MAF1: variants seen among roughly 807,000 people sequenced by gnomAD.
MAF1 encodes the protein MAF1 negative regulator of RNA polymerase III.
A neutral mutation model predicts 31.9 loss-of-function variants in MAF1; 7 were observed. The ratio of observed to expected loss-of-function variants is 0.22; its 90% CI spans 0.12 to 0.41. The LOEUF is 0.41. MAF1 is among the 10% of genes least tolerant of loss of function. MAF1 has a pLI of 1.00. For missense variants in MAF1, 221 were observed against 323.1 expected, an observed-to-expected ratio of 0.68 and a Z score of 2.42; for synonymous variants, 157 against 120.0, an observed-to-expected ratio of 1.31 and a Z score of -2.02.
In MAF1 at chr8:144,107,119, G is replaced by T; in HGVS notation, c.*10G>T. 2 of 1,563,380 alleles carry T rather than the reference G, an allele frequency of 1.3e-6. No individual in the cohort carries two copies. Among genetic ancestry groups the T allele is most frequent in the Non-Finnish European group, 1.7e-6 (2 of 1,154,006 alleles). Reference sequence around the variant, plus strand: ...AGTGATCTGTATTTGATGAGGAGGAGCCGAGGCCCCAGCTTCATCCAGCTT... The same window carrying T: ...AGTGATCTGTATTTGATGAGGAGGATCCGAGGCCCCAGCTTCATCCAGCTT... On this transcript the variant is annotated 3_prime_UTR_variant, in exon 8 of 8. Coordinates refer to ENST00000322428, the MANE Select transcript of MAF1 (RefSeq NM_032272.5).
rs1564316758 is a variant in MAF1 at position 144,104,481 on chromosome 8, GC to G, written c.-419del. 6.6e-6 allele frequency: 1 copy of G among 152,222 alleles called. No individual in the cohort carries two copies. Among genetic ancestry groups the G allele is most frequent in the Non-Finnish European group, 1.5e-5 (1 of 68,034 alleles). The allele number at this position is 152,222 out of a possible 1,614,324, so 9.4% of individuals were successfully genotyped here. A position where few individuals can be genotyped will look rare whatever the true frequency, so the allele number is the denominator to read the frequency against. The stretch of plus-strand genomic sequence containing the variant: ...GGGCCATTCAGAGGCGCGGGGCCGG[GC>G]CCGGCGGACGCTTGTTGTTGTCCGG... On this transcript the variant is annotated 5_prime_UTR_variant, in exon 1 of 8. Transcript: ENST00000322428.
rs1587619698 is a variant in MAF1 at position 144,106,682 on chromosome 8, C to T, written c.620+8C>T. On this transcript the variant is annotated splice_region_variant and intron_variant, in intron 6 of 7. Transcript: ENST00000322428. ...TAGCTGCCGTTCCATCAGGTGGGCA[C>T]CCCCCGCCTCCTCCCCCACCTCCCT... The T allele has an allele frequency of 3.1e-6, 5 of 1,609,482 alleles. No individual in the cohort carries two copies. In the East Asian group the frequency reaches 8.9e-5, roughly 29 times the overall value.
At chr8:144,106,501 C>T (rs1202460675) in intron 5 of MAF1, 37 bp downstream of exon 5, 3 of 1,613,914 alleles carry the variant, frequency 1.9e-6, no homozygotes, top group Non-Finnish European at 2.5e-6. Context: ...TCCAGGCCTC[C>T]AGGTTTGTGG....
Position 144,107,296 on chromosome 8 carries a change from A to T in MAF1, c.*187A>T. 1 of 724,866 alleles carries T rather than the reference A, an allele frequency of 1.4e-6. No individual in the cohort carries two copies. Among genetic ancestry groups the T allele is most frequent in the Non-Finnish European group, 2.3e-6 (1 of 431,864 alleles). 44.9% of individuals were successfully genotyped at this position (724,866 alleles called of 1,614,324 possible). A position where few individuals can be genotyped will look rare whatever the true frequency, so the allele number is the denominator to read the frequency against. On this transcript the variant is annotated 3_prime_UTR_variant, in exon 8 of 8. Transcript: ENST00000322428. ...CTGTGGATGCCCACTCACCCCTCAG[A>T]CTCCTGCTGCCCATGCTGTGGCCGG...
intron 1 of MAF1, 150 bp downstream of exon 1, chr8:144,105,008 C>G (rs1484569294): frequency 6.6e-6 from 1 of 152,272 alleles, no homozygotes; most frequent in Non-Finnish European, 1.5e-5. Context: ...TGCCTGGTGA[C>G]TGCAGCGCCC....
In MAF1 at chr8:144,106,172, C is replaced by A. The variant is rs1227267983; in HGVS notation, c.309C>A (p.Ser103=). ...ACCTGATTGCCACGCTCAATGAGTCCTTCAGGCCTGACTATGACTTCAGCA... is the reference window on the plus strand; with the variant it reads ...ACCTGATTGCCACGCTCAATGAGTCATTCAGGCCTGACTATGACTTCAGCA... ...LFYLIATLNE[S]FRPDYDFSTA... The change falls in exon 4 of 8, where the codon TCC becomes TCA. Residue 103 remains serine, a synonymous_variant. Coordinates refer to ENST00000322428, the MANE Select transcript of MAF1 (RefSeq NM_032272.5). 1 of 1,613,858 alleles carries A rather than the reference C, an allele frequency of 6.2e-7. No homozygotes were observed. The highest frequency in any genetic ancestry group is 1.1e-5 in the South Asian group (1 of 91,086).
In MAF1 at chr8:144,106,440, G is replaced by A; in HGVS notation, c.476G>A (p.Cys159Tyr). ...QLWNAVDEEICLAECDIYSYN... is the reference protein window; with the variant it reads ...QLWNAVDEEIYLAECDIYSYN... ...TGGAACGCGGTGGACGAGGAGATCT[G>A]CCTGGCTGAATGTGACATCTACAGG... The change falls in exon 5 of 8, where the codon TGC becomes TAC. Residue 159 changes from cysteine to tyrosine, a missense_variant. By Grantham distance (194) the Cys-to-Tyr change is radical. Coordinates refer to ENST00000322428, the MANE Select transcript of MAF1 (RefSeq NM_032272.5). 1 of 1,613,994 alleles carries A rather than the reference G, an allele frequency of 6.2e-7. No homozygotes were observed. The highest frequency in any genetic ancestry group is 8.5e-7 in the Non-Finnish European group (1 of 1,180,018).
At chr8:144,106,029 G>C (rs369801459) in intron 3 of MAF1, 32 bp downstream of exon 3, 7 of 1,613,438 alleles carry the variant, frequency 4.3e-6, no homozygotes, top group African/African-American at 4.0e-5. Flanking sequence ...CTGGGGCTGG[G>C]GGTTGAGGGG....
Position 144,107,123 on chromosome 8 carries a change from A to G in MAF1, c.*14A>G. The G allele has an allele frequency of 6.4e-7, 1 of 1,561,040 alleles. No homozygotes were observed. The highest frequency in any genetic ancestry group is 8.7e-7 in the Non-Finnish European group (1 of 1,152,792). ...ATCTGTATTTGATGAGGAGGAGCCG[A>G]GGCCCCAGCTTCATCCAGCTTCAAC... On this transcript the variant is annotated 3_prime_UTR_variant, in exon 8 of 8. Transcript: ENST00000322428.
rs1158488110 is a variant in MAF1, at chr8:144,106,017, A to G, written c.212+20A>G. 4 of 1,613,424 alleles carry G rather than the reference A, an allele frequency of 2.5e-6. No individual in the cohort carries two copies. The highest frequency in any genetic ancestry group is 3.4e-6 in the Non-Finnish European group (4 of 1,180,006). On this transcript the variant is annotated intron_variant, in intron 3 of 7. Coordinates refer to ENST00000322428, the MANE Select transcript of MAF1 (RefSeq NM_032272.5). ...CAGCAGGTGAGCCATGGTGGGGCCT[A>G]CCTGGGGCTGGGGGTTGAGGGGAGG... is the stretch of plus-strand genomic sequence containing the variant.
intron 4 of MAF1, 42 bp from the exon 5 acceptor site, chr8:144,106,301 G>A: frequency 6.2e-7 from 1 of 1,612,750 alleles, no homozygotes; most frequent in Non-Finnish European, 8.5e-7. Context: ...CCCACTTTGG[G>A]TAGCCCTGGG....
Position 144,105,783 on chromosome 8 carries a change from G to T in MAF1, c.83+17G>T, listed in dbSNP as rs543900754. 1.9e-6 allele frequency: 3 copies of T among 1,612,792 alleles called. No individual in the cohort carries two copies. Among genetic ancestry groups the T allele is most frequent in the African/African-American group, 2.7e-5 (2 of 75,034 alleles). On this transcript the variant is annotated intron_variant, in intron 2 of 7. Transcript: ENST00000322428. ...CATTGGCAGGTGAGGCAGGCTGGGGGGGCTGGCATCTCGGAGGTCACACTG... is the reference window on the plus strand; with the variant it reads ...CATTGGCAGGTGAGGCAGGCTGGGGTGGCTGGCATCTCGGAGGTCACACTG...
chr8:144,104,931 C>T (rs561984365), intron 1 of MAF1, 73 bp downstream of exon 1: 17 of 152,388 alleles, frequency 1.1e-4, no homozygotes, highest in African/African-American at 3.6e-4. Flanking sequence ...TCGCGCGGCG[C>T]GCTGCCTCCT....
chr8:144,106,855 C>T lies in MAF1; in HGVS notation c.641C>T (p.Ser214Leu), dbSNP rs1354690381. Residue 214 changes from serine (S) to leucine (L), a missense_variant, in exon 7 of 8, where the codon TCA becomes TTA. Transcript: ENST00000322428. The stretch of plus-strand genomic sequence containing the variant: ...CTCAGTGGCTCCACCTACACACCCT[C>T]AGAGGCAGGCAACGAGCTGGACATG... ...RSISGSTYTP[S>L]EAGNELDMEL... The T allele has an allele frequency of 6.5e-7, 1 of 1,532,406 alleles. No individual in the cohort carries two copies. The highest frequency in any genetic ancestry group is 2.1e-5 in the Admixed American group (1 of 47,268). 94.9% of individuals were successfully genotyped at this position (1,532,406 alleles called of 1,614,324 possible).
At chr8:144,105,832 G>C (rs779681158) in intron 2 of MAF1, 37 bp from the exon 3 acceptor site, 11 of 1,612,900 alleles carry the variant, frequency 6.8e-6, no homozygotes, top group Non-Finnish European at 9.3e-6. Context: ...TGGAACCTGG[G>C]GGAAGCATGC....
Position 144,106,184 on chromosome 8 carries a change from C to T in MAF1, c.321C>T (p.Asp107=), listed in dbSNP as rs749540271. 1.2e-6 allele frequency: 2 copies of T among 1,613,858 alleles called. No individual in the cohort carries two copies. Among genetic ancestry groups the T allele is most frequent in the South Asian group, 2.2e-5 (2 of 91,088 alleles). ...CGCTCAATGAGTCCTTCAGGCCTGA[C>T]TATGACTTCAGCACAGCCCGCAGCC... The part of the protein sequence containing the change: ...IATLNESFRP[D]YDFSTARSHE... The change falls in exon 4 of 8, where the codon GAC becomes GAT. Residue 107 remains aspartate, a synonymous_variant. Coordinates refer to ENST00000322428, the MANE Select transcript of MAF1 (RefSeq NM_032272.5).
rs1247629502 is a variant in MAF1, at chr8:144,105,458, C to T, written c.-44-182C>T. The T allele has an allele frequency of 8.6e-6, 5 of 580,664 alleles. No homozygotes were observed. The Admixed American group carries it at 1.2e-4, about 14-fold the overall frequency. The allele number at this position is 580,664 out of a possible 1,614,324, so 36.0% of individuals were successfully genotyped here. A position where few individuals can be genotyped will look rare whatever the true frequency, so the allele number is the denominator to read the frequency against. ...ACCTGGAGCCTGGACTTACCACCCT[C>T]AGGTAAAACAGGATCTCTGTCACCT... On this transcript the variant is annotated intron_variant, in intron 1 of 7. Coordinates refer to ENST00000322428, the MANE Select transcript of MAF1 (RefSeq NM_032272.5).
rs1042410076 is a variant in MAF1, at chr8:144,106,447, T to G, written c.483T>G (p.Ala161=). ...CGGTGGACGAGGAGATCTGCCTGGC[T>G]GAATGTGACATCTACAGGTGGGCCG... is the stretch of plus-strand genomic sequence containing the variant. ...WNAVDEEICL[A]ECDIYSYNPD... Residue 161 remains alanine (A), a synonymous_variant, in exon 5 of 8, where the codon GCT becomes GCG. Transcript: ENST00000322428. 12 of 1,613,878 alleles carry G rather than the reference T, an allele frequency of 7.4e-6. No individual in the cohort carries two copies. Among genetic ancestry groups the G allele is most frequent in the African/African-American group, 1.3e-5 (1 of 74,920 alleles).
Position 144,106,435 on chromosome 8 carries a change from G to A in MAF1, c.471G>A (p.Glu157=), listed in dbSNP as rs1836415454. The change falls in exon 5 of 8, where the codon GAG becomes GAA. Residue 157 remains glutamate, a synonymous_variant. Coordinates refer to ENST00000322428, the MANE Select transcript of MAF1 (RefSeq NM_032272.5). ...KPQLWNAVDE[E]ICLAECDIYS... is the part of the protein sequence containing the mutation. ...AGCTGTGGAACGCGGTGGACGAGGAGATCTGCCTGGCTGAATGTGACATCT... is the reference window on the plus strand; with the variant it reads ...AGCTGTGGAACGCGGTGGACGAGGAAATCTGCCTGGCTGAATGTGACATCT... The A allele has an allele frequency of 6.2e-7, 1 of 1,613,878 alleles. No individual in the cohort carries two copies. Among genetic ancestry groups the A allele is most frequent in the African/African-American group, 1.3e-5 (1 of 74,920 alleles).
Sources: gnomAD v4.1 joint callset for allele counts on GRCh38, gnomAD v4.1.1 for gene constraint, MANE v1.5 for transcripts, NCBI Gene and HGNC (gene_info 2026-07-23, HGNC 2026-07-21) for gene names.